LRP1B: variants seen among roughly 807,000 people sequenced by gnomAD.
LRP1B encodes low-density lipoprotein receptor-related protein 1B.
Under a neutral mutation model 556.6 loss-of-function variants are expected in LRP1B, and 217 were observed. The ratio of observed to expected loss-of-function variants is 0.39; its 90% confidence interval spans 0.35 to 0.44. The LOEUF is 0.44. LRP1B is among the 20% of genes least tolerant of loss of function. LRP1B has a pLI of 1.00. For synonymous variants in LRP1B, 2,047 were observed against 1,865.8 expected (o/e 1.10, Z -2.50); for missense variants, 5,053 against 5,620.8 (o/e 0.90, Z 3.23).
chr2:141,000,885 CATTT>C (rs1697399371), intron 15 of LRP1B, among the ~76,000 whole-genome samples: 2 of 146,724 alleles, frequency 1.4e-5, no homozygotes, highest in African/African-American at 2.5e-5. Context: ...TTGATTTTTT[CATTT>C]ATTTATCAAT....
At chr2:141,640,543 A>G (rs7573013) in intron 2 of LRP1B, among the ~76,000 whole-genome samples, 125,472 of 152,074 alleles carry the variant, frequency 0.83, 51,944 homozygotes, top group East Asian at 0.94. Flanking sequence ...AGTGACTCAA[A>G]CCTGTAATCC....
intron 1 of LRP1B, among the ~76,000 whole-genome samples, chr2:141,955,964 G>A (rs1701237433): frequency 1.3e-5 from 2 of 151,980 alleles, no homozygotes; most frequent in East Asian, 1.9e-4. Flanking sequence ...AATGCTTTGG[G>A]AGGCCAAGGC....
intron 71 of LRP1B, among the ~76,000 whole-genome samples, chr2:140,365,251 T>A (rs964354092): frequency 3.3e-5 from 5 of 151,546 alleles, no homozygotes; most frequent in Non-Finnish European, 5.9e-5. Context: ...CCAGTAAAAA[T>A]TTTTTTGCAA....
intron 1 of LRP1B, among the ~76,000 whole-genome samples, chr2:141,863,548 G>A (rs1282512915): frequency 2.0e-5 from 3 of 152,058 alleles, no homozygotes; most frequent in Non-Finnish European, 4.4e-5. Flanking sequence ...GCTTCCAATA[G>A]ACTAGTAATT....
chr2:141,494,931 A>G (rs974895893), intron 2 of LRP1B, among the ~76,000 whole-genome samples: 1 of 151,802 alleles, frequency 6.6e-6, no homozygotes, highest in Admixed American at 6.6e-5. Flanking sequence ...AAATGTATCA[A>G]CTAAAGATAT....
intron 2 of LRP1B, among the ~76,000 whole-genome samples, chr2:141,555,167 A>G (rs1370054266): frequency 6.6e-6 from 1 of 151,974 alleles, no homozygotes; most frequent in Admixed American, 6.6e-5. Context: ...CTGCTAAAGG[A>G]AATATATGTA....
At chr2:140,542,561 A>G (rs1161068680) in intron 43 of LRP1B, among the ~76,000 whole-genome samples, 6 of 152,140 alleles carry the variant, frequency 3.9e-5, no homozygotes, top group African/African-American at 1.4e-4. Flanking sequence ...AAAATATAGT[A>G]AACAACACTT....
chr2:142,106,024 A>G (rs1338505034), intron 1 of LRP1B, among the ~76,000 whole-genome samples: 3 of 152,182 alleles, frequency 2.0e-5, no homozygotes, highest in South Asian at 2.1e-4. Flanking sequence ...TTACTGGTAC[A>G]CATACTCCCT....
At chr2:142,033,447 G>A (rs1216786253) in intron 1 of LRP1B, among the ~76,000 whole-genome samples, 1 of 151,494 alleles carries the variant, frequency 6.6e-6, no homozygotes, top group African/African-American at 2.4e-5. Flanking sequence ...TATACCTTTA[G>A]TAAAATACAT....
intron 7 of LRP1B, among the ~76,000 whole-genome samples, chr2:141,069,367 GATTT>G (rs1284541569): frequency 6.6e-6 from 1 of 151,902 alleles, no homozygotes; most frequent in Non-Finnish European, 1.5e-5. Flanking sequence ...TTTTATTATT[GATTT>G]ATTTTTTCTT....
intron 1 of LRP1B, among the ~76,000 whole-genome samples, chr2:142,106,577 T>G (rs1295336083): frequency 6.6e-6 from 1 of 152,178 alleles, no homozygotes; most frequent in Non-Finnish European, 1.5e-5. Context: ...GTCATTAAGA[T>G]ATAAAATATA....
At chr2:141,576,753 CAAAAAAAAAA>C (rs72183984) in intron 2 of LRP1B, among the ~76,000 whole-genome samples, 4 of 92,310 alleles carry the variant, frequency 4.3e-5, no homozygotes, top group Non-Finnish European at 8.1e-5. Flanking sequence ...GCCCCTGTCT[CAAAAAAAAAA>C]AAAAAAAAGC....
At chr2:141,988,240 T>C (rs1427651703) in intron 1 of LRP1B, among the ~76,000 whole-genome samples, 2 of 151,820 alleles carry the variant, frequency 1.3e-5, no homozygotes, top group African/African-American at 4.8e-5. Flanking sequence ...AAAAAATAAA[T>C]CAGACCATAT....
chr2:141,220,350 A>G (rs563430051), intron 6 of LRP1B, among the ~76,000 whole-genome samples: 66 of 152,318 alleles, frequency 4.3e-4, no homozygotes, highest in African/African-American at 1.5e-3. Context: ...ATATTGATGA[A>G]ATAAGACAGG....
chr2:141,775,278 A>G (rs1574346166), intron 2 of LRP1B, among the ~76,000 whole-genome samples: 1 of 152,240 alleles, frequency 6.6e-6, no homozygotes, highest in African/African-American at 2.4e-5. Context: ...ATCCTTGTTC[A>G]CAGACATGCA....
At chr2:140,679,417 T>A (rs17203780) in intron 41 of LRP1B, among the ~76,000 whole-genome samples, 2,103 of 152,334 alleles carry the variant, frequency 0.014, 42 homozygotes, top group Admixed American at 0.046. Context: ...GGTTTTATAC[T>A]TTCCTCTTCT....
At chr2:140,814,983 T>A (rs1170116366) in intron 31 of LRP1B, among the ~76,000 whole-genome samples, 1 of 152,146 alleles carries the variant, frequency 6.6e-6, no homozygotes, top group East Asian at 1.9e-4. Context: ...AGTATCCACA[T>A]TTTAACAATA....
intron 3 of LRP1B, among the ~76,000 whole-genome samples, chr2:141,335,307 T>C (rs1687808503): frequency 6.6e-6 from 1 of 152,194 alleles, no homozygotes; most frequent in Admixed American, 6.5e-5. Flanking sequence ...AAGAGTTCAG[T>C]TATTCTGAAC....
chr2:141,577,337 A>C (rs1189041672), intron 2 of LRP1B, among the ~76,000 whole-genome samples: 30 of 152,302 alleles, frequency 2.0e-4, no homozygotes, highest in African/African-American at 7.0e-4. Context: ...ACCAGGGAAA[A>C]TATTCTGCCA....
Sources: allele counts gnomAD v4.1 joint callset (sites outside exome capture counted in the v4.1 genomes callset), GRCh38; gene constraint gnomAD v4.1.1; transcripts MANE v1.5; gene names NCBI Gene and HGNC (gene_info 2026-07-23, HGNC 2026-07-21).